The following CTBP2 variants were observed in gnomAD, a reference collection of about 807,000 sequenced individuals.
The protein encoded by CTBP2 is C-terminal binding protein 2.
Under a neutral mutation model 80.3 loss-of-function variants are expected in CTBP2, and 30 were observed. The observed-to-expected ratio is 0.37, with a 90% CI of 0.28 to 0.51. The LOEUF (loss-of-function observed/expected upper bound fraction) is 0.51, where lower values mean the gene tolerates loss of function less well. Ranked by LOEUF, CTBP2 falls within the 20% of genes least tolerant of loss-of-function variation. The probability of loss-of-function intolerance (pLI) is 0.93; values close to 1 mark genes in which losing one functional copy is unlikely to be tolerated. For missense variants in CTBP2, 1,212 were observed against 1,375.3 expected, an observed-to-expected ratio of 0.88 and a Z score of 1.88; for synonymous variants, 594 against 587.4, an observed-to-expected ratio of 1.01 and a Z score of -0.16.
chr10:125,108,125 A>T (rs1016772925), intron 2 of CTBP2, among the ~76,000 whole-genome samples: 6 of 152,270 alleles, frequency 3.9e-5, no homozygotes, highest in Non-Finnish European at 8.8e-5. Flanking sequence ...GACAAATAGC[A>T]ACATACAGAA....
chr10:125,149,406 G>T (rs920933573), intron 1 of CTBP2, among the ~76,000 whole-genome samples: 1 of 152,132 alleles, frequency 6.6e-6, no homozygotes, highest in Non-Finnish European at 1.5e-5. Flanking sequence ...ACTGCAGGGG[G>T]CACTTAAAAT....
At chr10:125,156,507 A>G (rs1220690749) in intron 1 of CTBP2, among the ~76,000 whole-genome samples, 1 of 152,228 alleles carries the variant, frequency 6.6e-6, no homozygotes, top group Non-Finnish European at 1.5e-5. Context: ...TTCTGGTGCT[A>G]GATCTCAGCA....
At chr10:125,104,644 G>A (rs1048893652) in intron 2 of CTBP2, among the ~76,000 whole-genome samples, 1 of 152,184 alleles carries the variant, frequency 6.6e-6, no homozygotes, top group Non-Finnish European at 1.5e-5. Flanking sequence ...GATGAATTAC[G>A]CAGCATTTTC....
At chr10:125,126,146 C>T (rs952743984) in intron 1 of CTBP2, among the ~76,000 whole-genome samples, 2 of 150,838 alleles carry the variant, frequency 1.3e-5, no homozygotes, top group South Asian at 2.1e-4. Flanking sequence ...GGACACACTT[C>T]GCAATGGGCC....
chr10:125,006,215 C>T (rs570035169), intron 1 of CTBP2, among the ~76,000 whole-genome samples: 1 of 152,058 alleles, frequency 6.6e-6, no homozygotes, highest in Admixed American at 6.5e-5. Flanking sequence ...GGCTCGAATC[C>T]TGGCAGCAGG....
intron 3 of CTBP2, among the ~76,000 whole-genome samples, chr10:125,035,026 T>C (rs1362598101): frequency 1.3e-5 from 2 of 152,158 alleles, no homozygotes; most frequent in Admixed American, 6.5e-5. Flanking sequence ...TACATCCCAC[T>C]GACATGTGCT....
At chr10:125,130,041 CTTT>C (rs10700714) in intron 1 of CTBP2, among the ~76,000 whole-genome samples, 10 of 143,180 alleles carry the variant, frequency 7.0e-5, no homozygotes, top group Admixed American at 4.2e-4. Flanking sequence ...GGATTTCTCT[CTTT>C]TTTTTTTTTT....
intron 2 of CTBP2, among the ~76,000 whole-genome samples, chr10:125,098,692 G>GAGACAGAGAGAC (rs1564913943): frequency 3.4e-5 from 4 of 118,700 alleles, no homozygotes; most frequent in African/African-American, 1.1e-4. Flanking sequence ...GAGAGAGAGA[G>GAGACAGAGAGAC]AGAGAGAGAG....
At chr10:125,038,381 G>A (rs546709249) in intron 3 of CTBP2, among the ~76,000 whole-genome samples, 2 of 152,088 alleles carry the variant, frequency 1.3e-5, no homozygotes, top group South Asian at 2.1e-4. Flanking sequence ...CATCTGGCAG[G>A]TGCACTCACC....
chr10:125,015,801 G>A (rs564423459), intron 1 of CTBP2, among the ~76,000 whole-genome samples: 6 of 152,372 alleles, frequency 3.9e-5, no homozygotes, highest in South Asian at 2.1e-4. Flanking sequence ...AGAAAAGTAC[G>A]AATTGTTGCC....
Position 124,993,293 on chromosome 10 carries a change from G to A in CTBP2, c.2568C>T (p.Leu856=), listed in dbSNP as rs1952963936. 1.9e-6 allele frequency: 3 copies of A among 1,610,410 alleles called. No individual in the cohort carries two copies. The highest frequency in any genetic ancestry group is 2.5e-6 in the Non-Finnish European group (3 of 1,176,932). Residue 856 remains leucine, a synonymous_variant, in exon 7 of 9, where the codon CTC becomes CTT. Coordinates refer to ENST00000309035, the MANE Select transcript of CTBP2 (RefSeq NM_022802.3). ...ACCAGGCAGTGTGAGGAGTGCAGAT[G>A]AGATTCGGGGCATCTTTCAACGGAC...
At chr10:125,023,237 A>G (rs1043482565) in intron 1 of CTBP2, among the ~76,000 whole-genome samples, 2 of 152,230 alleles carry the variant, frequency 1.3e-5, no homozygotes, top group Non-Finnish European at 2.9e-5. Context: ...GAAAATGGAA[A>G]AAGCTCAGAA....
intron 2 of CTBP2, among the ~76,000 whole-genome samples, chr10:125,065,529 T>A (rs1844491146): frequency 1.3e-5 from 2 of 152,082 alleles, no homozygotes; most frequent in African/African-American, 4.8e-5. Flanking sequence ...AATGCCAGTA[T>A]CAGGGAAATA....
At chr10:125,030,857 T>G (rs3012073), upstream of CTBP2, among the ~76,000 whole-genome samples, 1,123 of 151,934 alleles carry the variant, frequency 7.4e-3, 15 homozygotes, top group Non-Finnish European at 0.012. Context: ...CCCAGGGGGG[T>G]CCTGCACCTG....
intron 8 of CTBP2, among the ~76,000 whole-genome samples, 187 bp downstream of exon 10, chr10:124,992,504 CTGTT>C (rs983200408): frequency 6.6e-6 from 1 of 152,076 alleles, no homozygotes; most frequent in African/African-American, 2.4e-5. Context: ...ATAGGAGCTT[CTGTT>C]TGTTCCATGA....
intron 1 of CTBP2, among the ~76,000 whole-genome samples, chr10:125,006,473 A>C (rs1955255395): frequency 6.6e-6 from 1 of 152,198 alleles, no homozygotes; most frequent in Admixed American, 6.5e-5. Flanking sequence ...CAGTCCCAGA[A>C]GGAAACTGTC....
chr10:125,133,503 C>T (rs555429128), intron 1 of CTBP2: 2 of 152,430 alleles, frequency 1.3e-5, no homozygotes, highest in South Asian at 2.1e-4. Context: ...GATAGGGAAA[C>T]AGGCTCACGC....
intron 1 of CTBP2, among the ~76,000 whole-genome samples, chr10:125,020,875 G>T (rs1240477148): frequency 6.6e-6 from 1 of 152,154 alleles, no homozygotes; most frequent in Non-Finnish European, 1.5e-5. Context: ...TATGCAAGGT[G>T]GGCTTACAGA....
At chr10:125,092,306 T>A (rs1401745154) in intron 2 of CTBP2, among the ~76,000 whole-genome samples, 1 of 150,152 alleles carries the variant, frequency 6.7e-6, no homozygotes, top group Non-Finnish European at 1.5e-5. Flanking sequence ...TTCTCCTGCC[T>A]CAGCCTCCCT....
Sources: allele counts gnomAD v4.1 joint callset (sites outside exome capture counted in the v4.1 genomes callset), GRCh38; gene constraint gnomAD v4.1.1; transcripts MANE v1.5; gene names NCBI Gene and HGNC (gene_info 2026-07-23, HGNC 2026-07-21).